The following ATP2B1 variants were observed in gnomAD, a reference collection of about 807,000 sequenced individuals.
ATP2B1 encodes ATPase plasma membrane Ca2+ transporting 1.
ATP2B1 carries 14 observed loss-of-function variants against 124.2 expected under a neutral mutation model. That is an observed-to-expected ratio of 0.11 (90% CI 0.07 to 0.18). The LOEUF (loss-of-function observed/expected upper bound fraction) is 0.18, where lower values mean the gene tolerates loss of function less well. Among genes scored for constraint, ATP2B1 ranks in the 10% least tolerant of loss-of-function variants. The probability of loss-of-function intolerance (pLI) is 1.00; values close to 1 mark genes in which losing one functional copy is unlikely to be tolerated. For missense variants in ATP2B1, 763 were observed against 1,466.1 expected, an observed-to-expected ratio of 0.52 and a Z score of 7.83; for synonymous variants, 449 against 492.4, an observed-to-expected ratio of 0.91 and a Z score of 1.17.
intron 1 of ATP2B1, among the ~76,000 whole-genome samples, chr12:89,658,639 G>GAGAGAGAGAGAGAGAGAGAT: frequency 6.6e-6 from 1 of 150,782 alleles, no homozygotes; most frequent in African/African-American, 2.5e-5. Flanking sequence ...GAGAGAGAGA[G>GAGAGAGAGAGAGAGAGAGAT]AGAGAGAGAT....
chr12:89,689,053 G>C (rs545923867), intron 1 of ATP2B1, among the ~76,000 whole-genome samples: 1 of 152,108 alleles, frequency 6.6e-6, no homozygotes, highest in South Asian at 2.1e-4. Context: ...TGACTTCAGT[G>C]AATCTAAAAA....
At chr12:89,659,395 C>G (rs192684290) in intron 1 of ATP2B1, among the ~76,000 whole-genome samples, 1 of 151,022 alleles carries the variant, frequency 6.6e-6, no homozygotes, top group Non-Finnish European at 1.5e-5. Context: ...CACAAGCACA[C>G]GTAGCGGAAG....
In ATP2B1 at chr12:89,589,751, T is replaced by C. The variant is rs1254611442; in HGVS notation, c.*1233A>G. 45 of 152,114 alleles carry C rather than the reference T, an allele frequency of 3.0e-4. No homozygotes were observed. Among genetic ancestry groups the C allele is most frequent in the Admixed American group, 3.0e-3 (45 of 15,244 alleles). 9.4% of individuals were successfully genotyped at this position (152,114 alleles called of 1,614,324 possible). ...AGAGAACAGACTGATGCACTGTATA[T>C]GCAGAACTGAGTAAAGAAGCTGAAA... On this transcript the variant is annotated 3_prime_UTR_variant, in exon 21 of 21. Coordinates refer to ENST00000428670, the MANE Select transcript of ATP2B1 (RefSeq NM_001366521.1).
chr12:89,590,831 T>TG lies in ATP2B1; in HGVS notation c.*152_*153insC. On this transcript the variant is annotated 3_prime_UTR_variant, in exon 21 of 21. Coordinates refer to ENST00000428670, the MANE Select transcript of ATP2B1 (RefSeq NM_001366521.1). Reference sequence around the variant, plus strand: ...GTCTGGCAGAAAGCTTTGCTTTTTTTTTTTTAAAAAAATAAATCTACATTC... The same window carrying TG: ...GTCTGGCAGAAAGCTTTGCTTTTTTTGTTTTTAAAAAAATAAATCTACATTC... 2.2e-6 allele frequency: 2 copies of TG among 889,814 alleles called. No homozygotes were observed. The highest frequency in any genetic ancestry group is 1.7e-6 in the Non-Finnish European group (1 of 603,354). 55.1% of individuals were successfully genotyped at this position (889,814 alleles called of 1,614,324 possible).
At chr12:89,678,659 T>C (rs1888971854) in intron 1 of ATP2B1, among the ~76,000 whole-genome samples, 1 of 152,154 alleles carries the variant, frequency 6.6e-6, no homozygotes, top group Admixed American at 6.6e-5. Context: ...TGTGTCTTAC[T>C]AACAAAAATC....
chr12:89,697,855 T>C (rs559341694), intron 1 of ATP2B1, among the ~76,000 whole-genome samples: 1 of 152,182 alleles, frequency 6.6e-6, no homozygotes, highest in South Asian at 2.1e-4. Context: ...GCTTGCTTTT[T>C]CAGTTACAGG....
chr12:89,673,206 C>T (rs1404969284), intron 1 of ATP2B1, among the ~76,000 whole-genome samples: 1 of 152,198 alleles, frequency 6.6e-6, no homozygotes, highest in Admixed American at 6.5e-5. Context: ...AGGTTTTCTT[C>T]AGCCAGATAC....
At chr12:89,632,055 T>C (rs1424182111) in intron 5 of ATP2B1, among the ~76,000 whole-genome samples, 3 of 152,216 alleles carry the variant, frequency 2.0e-5, no homozygotes, top group African/African-American at 7.2e-5. Flanking sequence ...GACTTGTACA[T>C]CCACATCTCT....
intron 1 of ATP2B1, among the ~76,000 whole-genome samples, chr12:89,705,449 T>C (rs2136908417): frequency 6.6e-6 from 1 of 152,250 alleles, no homozygotes; most frequent in African/African-American, 2.4e-5. Context: ...AATAAAAAAG[T>C]GAAAACATCA....
chr12:89,662,133 CTT>C, intron 1 of ATP2B1, among the ~76,000 whole-genome samples: 1 of 149,712 alleles, frequency 6.7e-6, no homozygotes, highest in Admixed American at 6.6e-5. Context: ...TATGATCTTT[CTT>C]TCTTTTTTTT....
rs1246243517 is a variant in ATP2B1, at chr12:89,590,454, G to A, written c.*530C>T. On this transcript the variant is annotated 3_prime_UTR_variant, in exon 21 of 21. Coordinates refer to ENST00000428670, the MANE Select transcript of ATP2B1 (RefSeq NM_001366521.1). ...TCCTGAAAATACAGCAGTATTTGAAGGACTAATTTTTCTCTGCATCAGTTA... is the reference window on the plus strand; with the variant it reads ...TCCTGAAAATACAGCAGTATTTGAAAGACTAATTTTTCTCTGCATCAGTTA... 6.7e-6 allele frequency: 1 copy of A among 150,014 alleles called. No homozygotes were observed. The highest frequency in any genetic ancestry group is 1.5e-5 in the Non-Finnish European group (1 of 67,564). 9.3% of individuals were successfully genotyped at this position (150,014 alleles called of 1,614,324 possible).
Position 89,635,049 on chromosome 12 carries a change from A to C in ATP2B1, c.609T>G (p.Ile203Met). 6.2e-7 allele frequency: 1 copy of C among 1,614,016 alleles called. No individual in the cohort carries two copies. The highest frequency in any genetic ancestry group is 8.5e-7 in the Non-Finnish European group (1 of 1,179,896). ...CAGTAATGTCAGCTACAGGTATCTGAATGACCTGACCACCCCTGATGACAG... is the reference window on the plus strand; with the variant it reads ...CAGTAATGTCAGCTACAGGTATCTGCATGACCTGACCACCCCTGATGACAG... ...KFTVIRGGQV[I>M]QIPVADITVG... The change falls in exon 4 of 21, where the codon ATT becomes ATG. Residue 203 changes from isoleucine to methionine, a missense_variant. Transcript: ENST00000428670.
chr12:89,664,761 T>A (rs1257165495), intron 1 of ATP2B1, among the ~76,000 whole-genome samples: 1 of 152,118 alleles, frequency 6.6e-6, no homozygotes, highest in East Asian at 1.9e-4. Context: ...CAACCTTGAC[T>A]AGGGAACAAA....
chr12:89,697,422 A>C (rs1357564850), intron 1 of ATP2B1, among the ~76,000 whole-genome samples: 2 of 152,220 alleles, frequency 1.3e-5, no homozygotes, highest in Non-Finnish European at 2.9e-5. Flanking sequence ...GACTGTCTTC[A>C]CTAAAGAAAT....
At chr12:89,677,827 G>A (rs1490169900) in intron 1 of ATP2B1, among the ~76,000 whole-genome samples, 2 of 151,448 alleles carry the variant, frequency 1.3e-5, no homozygotes, top group African/African-American at 4.9e-5. Flanking sequence ...CTAAAGGAAA[G>A]CATAAAAGAC....
intron 2 of ATP2B1, among the ~76,000 whole-genome samples, chr12:89,651,744 T>C (rs200144419): frequency 2.1e-4 from 32 of 152,308 alleles, no homozygotes; most frequent in Admixed American, 3.3e-4. Context: ...AACTGAACTT[T>C]TGTAACAGGT....
intron 8 of ATP2B1, among the ~76,000 whole-genome samples, chr12:89,624,633 TAGA>T (rs1880529645): frequency 6.6e-6 from 1 of 152,220 alleles, no homozygotes; most frequent in Non-Finnish European, 1.5e-5. Context: ...GATTCTTTCT[TAGA>T]CTTAATTATA....
chr12:89,609,549 G>C (rs1877598777), intron 15 of ATP2B1, among the ~76,000 whole-genome samples: 1 of 151,986 alleles, frequency 6.6e-6, no homozygotes, highest in Admixed American at 6.6e-5. Flanking sequence ...AATAACTGAA[G>C]AGTAACTGAG....
At chr12:89,615,207 C>CCAT (rs1486201195) in intron 12 of ATP2B1, among the ~76,000 whole-genome samples, 4 of 152,138 alleles carry the variant, frequency 2.6e-5, no homozygotes, top group Admixed American at 2.6e-4. Flanking sequence ...CCACTATGAA[C>CCAT]CATCAGATTG....
Sources: allele counts gnomAD v4.1 joint callset (sites outside exome capture counted in the v4.1 genomes callset), GRCh38; gene constraint gnomAD v4.1.1; transcripts MANE v1.5; gene names NCBI Gene and HGNC (gene_info 2026-07-23, HGNC 2026-07-21).